The following PRDM2 variants were observed in gnomAD, a reference collection of about 807,000 sequenced individuals.
PRDM2 encodes PR domain zinc finger protein 2.
A neutral mutation model predicts 130.0 loss-of-function variants in PRDM2; 30 were observed. The observed-to-expected ratio is 0.23, with a 90% CI of 0.17 to 0.31. PRDM2 has a LOEUF of 0.31. Ranked by LOEUF, PRDM2 falls within the 10% of genes least tolerant of loss-of-function variation. The pLI is 1.00. For synonymous variants in PRDM2, 871 were observed against 782.4 expected, an observed-to-expected ratio of 1.11 and a Z score of -1.89; for missense variants, 2,011 against 2,108.4, an observed-to-expected ratio of 0.95 and a Z score of 0.90.
intron 7 of PRDM2, 40 bp from the exon 8 acceptor site, chr1:13,778,378 A>G (rs1644526801): frequency 1.3e-6 from 2 of 1,534,992 alleles, no homozygotes; most frequent in Middle Eastern, 3.5e-4. Context: ...CTGGTTTCCC[A>G]TGCTTCACTT....
At chr1:13,728,635 C>T (rs1156674742) in intron 2 of PRDM2, among the ~76,000 whole-genome samples, 1 of 149,124 alleles carries the variant, frequency 6.7e-6, no homozygotes, top group Non-Finnish European at 1.5e-5. Flanking sequence ...CTTTCCTCTG[C>T]TGGGTGTATG....
intron 6 of PRDM2, chr1:13,770,183 T>G: frequency 3.0e-6 from 1 of 337,004 alleles, no homozygotes; most frequent in East Asian, 1.1e-4. Context: ...GGGTCATGGC[T>G]TTTAAAGAGG....
chr1:13,791,611 G>C (rs752619203), intron 8 of PRDM2, among the ~76,000 whole-genome samples: 1 of 152,150 alleles, frequency 6.6e-6, no homozygotes, highest in Non-Finnish European at 1.5e-5. Flanking sequence ...AGGTATTTAC[G>C]TTCTGCCGAT....
chr1:13,758,172 G>A (rs1020488205), intron 6 of PRDM2, among the ~76,000 whole-genome samples: 3 of 152,002 alleles, frequency 2.0e-5, no homozygotes, highest in Non-Finnish European at 2.9e-5. Flanking sequence ...AGCCAGGCGC[G>A]GTGGCTCACA....
chr1:13,778,551 AGAC>A lies in PRDM2; in HGVS notation c.759_761del (p.Asp253del). 1 of 1,614,212 alleles carries A rather than the reference AGAC, an allele frequency of 6.2e-7. No homozygotes were observed. The highest frequency in any genetic ancestry group is 8.5e-7 in the Non-Finnish European group (1 of 1,180,044). ...CTGCCTGGGAGCCACAGCCAGAACC[AGAC>A]GAGCGATTAGAAGCGGCAGCTTGTG... On this transcript the variant is annotated inframe_deletion, in exon 8 of 10. Coordinates refer to ENST00000311066, the MANE Select transcript of PRDM2 (RefSeq NM_001393986.1).
intron 7 of PRDM2, 110 bp downstream of exon 7, chr1:13,773,298 G>T: frequency 1.6e-6 from 1 of 629,808 alleles, no homozygotes; most frequent in Non-Finnish European, 2.4e-6. Context: ...ATCTTTACGA[G>T]GTTAAACAGC....
chr1:13,735,840 G>A (rs1263196959), intron 4 of PRDM2, among the ~76,000 whole-genome samples: 1 of 152,102 alleles, frequency 6.6e-6, no homozygotes, highest in Non-Finnish European at 1.5e-5. Context: ...AAACAACACA[G>A]AAAAATATAT....
intron 8 of PRDM2, among the ~76,000 whole-genome samples, chr1:13,804,844 G>C (rs1040232856): frequency 6.6e-6 from 1 of 152,166 alleles, no homozygotes; most frequent in Non-Finnish European, 1.5e-5. Context: ...GCCCAAAACA[G>C]ACTGCCAGAG....
chr1:13,720,095 T>C (rs1000774010), intron 2 of PRDM2, among the ~76,000 whole-genome samples: 23 of 152,222 alleles, frequency 1.5e-4, no homozygotes, highest in African/African-American at 5.3e-4. Flanking sequence ...TTTAATTAAA[T>C]AGATTAAACT....
intron 6 of PRDM2, among the ~76,000 whole-genome samples, chr1:13,765,842 G>A (rs541084738): frequency 6.6e-6 from 1 of 152,220 alleles, no homozygotes; most frequent in African/African-American, 2.4e-5. Context: ...ATCTATTACA[G>A]ATTGTAATTT....
chr1:13,770,275 A>G (rs1373376418), intron 6 of PRDM2: 3 of 465,718 alleles, frequency 6.4e-6, no homozygotes, highest in African/African-American at 2.0e-5. Flanking sequence ...AGTATCAGCT[A>G]GGTGCTCTAA....
rs750472155 is a variant in PRDM2 at position 13,778,484 on chromosome 1, T to C, written c.689T>C (p.Val230Ala). The C allele has an allele frequency of 3.7e-6, 6 of 1,613,974 alleles. No homozygotes were observed. The Admixed American group carries it at 1.0e-4, about 27-fold the overall frequency. ...GAGCAGCCGGCCACCCTCCAGGAGG[T>C]GGCCAGTCAGGAGGTGCCTCCAGAA... ...ALEQPATLQE[V>A]ASQEVPPELA... Residue 230 changes from valine to alanine, a missense_variant, in exon 8 of 10, where the codon GTG becomes GCG. Val to Ala is a moderately conservative substitution (Grantham distance 64). Transcript: ENST00000311066.
intron 8 of PRDM2, among the ~76,000 whole-genome samples, chr1:13,814,273 G>A (rs1324774611): frequency 6.6e-6 from 1 of 152,134 alleles, no homozygotes; most frequent in Admixed American, 6.5e-5. Context: ...TGGGTCCTCC[G>A]TTTCCTCCTT....
intron 2 of PRDM2, among the ~76,000 whole-genome samples, chr1:13,722,059 G>C (rs1335707738): frequency 2.0e-5 from 3 of 152,176 alleles, no homozygotes; most frequent in Non-Finnish European, 2.9e-5. Flanking sequence ...ACCATGTCCT[G>C]ATTCTGTCCT....
Position 13,780,991 on chromosome 1 carries a change from T to C in PRDM2, c.3196T>C (p.Ser1066Pro), listed in dbSNP as rs769249489. ...ATCTTCCTCCTCCTCTTCGTTTTCT[T>C]CTTCATCTTCCTCCTCTTCTCCTTC... ...SSSSSSSSFS[S>P]SSSSSSPSPP... The change falls in exon 8 of 10, where the codon TCT becomes CCT. Residue 1066 changes from serine to proline, a missense_variant. Around this residue, in one of 5 missense-constraint regions of PRDM2, gnomAD observed 1,288 missense variants for 1,237.7 expected, o/e 1.04. Coordinates refer to ENST00000311066, the MANE Select transcript of PRDM2 (RefSeq NM_001393986.1). 22 of 1,601,102 alleles carry C rather than the reference T, an allele frequency of 1.4e-5. No homozygotes were observed. In the Admixed American group the frequency reaches 2.2e-4, roughly 16 times the overall value.
At chr1:13,708,703 T>C (rs978799501) in intron 1 of PRDM2, among the ~76,000 whole-genome samples, 1 of 152,208 alleles carries the variant, frequency 6.6e-6, no homozygotes, top group African/African-American at 2.4e-5. Flanking sequence ...ATCTCTTATA[T>C]ATTTGTAGGT....
chr1:13,787,285 A>C, intron 8 of PRDM2: 1 of 983,512 alleles, frequency 1.0e-6, no homozygotes, highest in South Asian at 4.7e-5. Context: ...GTACAGATGT[A>C]TGTCTACACG....
intron 8 of PRDM2, among the ~76,000 whole-genome samples, chr1:13,789,701 A>G (rs997878309): frequency 6.6e-6 from 1 of 152,242 alleles, no homozygotes; most frequent in Non-Finnish European, 1.5e-5. Context: ...CGCTTTGAAT[A>G]TATTGACTTG....
intron 6 of PRDM2, among the ~76,000 whole-genome samples, chr1:13,753,560 TAAC>T (rs1239315890): frequency 2.6e-5 from 4 of 152,144 alleles, no homozygotes; most frequent in Non-Finnish European, 4.4e-5. Flanking sequence ...AGGTGCGAAA[TAAC>T]AAGCCTTTAG....
Sources: gnomAD v4.1 joint callset for allele counts (sites outside exome capture counted in the v4.1 genomes callset) on GRCh38, gnomAD v4.1.1 for gene constraint, gnomAD v4.1.1 regional missense constraint, MANE v1.5 for transcripts, NCBI Gene and HGNC (gene_info 2026-07-23, HGNC 2026-07-21) for gene names.